Variants in ARL2 observed in about 807,000 individuals in gnomAD.
ARL2 encodes ADP-ribosylation factor-like protein 2.
A neutral mutation model predicts 22.0 loss-of-function variants in ARL2; 11 were observed. The ratio of observed to expected loss-of-function variants is 0.50; its 90% confidence interval spans 0.31 to 0.83. The LOEUF (loss-of-function observed/expected upper bound fraction) is 0.83. Ranked by LOEUF, ARL2 falls within the 40% of genes least tolerant of loss-of-function variation. The probability of loss-of-function intolerance (pLI) is 0.04; values close to 1 mark genes in which losing one functional copy is unlikely to be tolerated. For synonymous variants in ARL2, 111 were observed against 100.8 expected (o/e 1.10, Z -0.61); for missense variants, 216 against 243.2 (o/e 0.89, Z 0.74).
intron 3 of ARL2, chr11:65,019,096 G>T: frequency 2.0e-6 from 1 of 500,820 alleles, no homozygotes; most frequent in Middle Eastern, 5.5e-4. Flanking sequence ...CCTCAGCTGG[G>T]GGTGGTGGCA....
At chr11:65,016,273 G>GC (rs924340878) in intron 1 of ARL2, among the ~76,000 whole-genome samples, 10 of 145,196 alleles carry the variant, frequency 6.9e-5, no homozygotes, top group African/African-American at 2.5e-4. Context: ...CAATTCGGGG[G>GC]GGGGGGAAAC....
intron 1 of ARL2, among the ~76,000 whole-genome samples, chr11:65,017,705 A>G (rs547063971): frequency 1.3e-5 from 2 of 152,282 alleles, no homozygotes; most frequent in South Asian, 4.1e-4. Context: ...GAGCAGGGAA[A>G]GGTGGTCGAG....
chr11:65,015,000 C>T (rs1293226853), intron 1 of ARL2, among the ~76,000 whole-genome samples: 3 of 152,254 alleles, frequency 2.0e-5, no homozygotes, highest in South Asian at 2.1e-4. Context: ...AGTGCAGTGG[C>T]ACAATCAAGG....
intron 4 of ARL2, 47 bp downstream of exon 4, chr11:65,020,546 A>C: frequency 6.7e-7 from 1 of 1,494,270 alleles, no homozygotes; most frequent in South Asian, 1.2e-5. Context: ...AGGGGCATAC[A>C]TTTATTTATT....
In ARL2 at chr11:65,018,353, C is replaced by T; in HGVS notation, c.66-11C>T. On this transcript the variant is annotated splice_polypyrimidine_tract_variant and intron_variant, in intron 1 of 4. Transcript: ENST00000246747. This position sits in a 1 kb window ranked among gnomAD's most constrained non-coding sequence, Gnocchi z 4.2. ...AGAACAGGGACTTCTCCTTAACCTG[C>T]TGCGCCCCAGTGGCCTGGACAATGC... is the stretch of plus-strand genomic sequence containing the variant. 2 of 1,588,152 alleles carry T rather than the reference C, an allele frequency of 1.3e-6. 1 individual carries two copies. Among genetic ancestry groups the T allele is most frequent in the East Asian group, 4.5e-5 (2 of 44,310 alleles).
rs1358112802 is a variant in ARL2, at chr11:65,020,424, G to C, written c.345G>C (p.Leu115=). Residue 115 remains leucine (L), a synonymous_variant, in exon 4 of 5, where the codon CTG becomes CTC. Coordinates refer to ENST00000246747, the MANE Select transcript of ARL2 (RefSeq NM_001667.4). ...ELQSLLVEER[L]AGATLLIFAN... ...CTCTATCTTTTCTCCCCCAGCGCCT[G>C]GCCGGAGCAACCCTCCTCATCTTTG... 5 of 1,612,704 alleles carry C rather than the reference G, an allele frequency of 3.1e-6. No homozygotes were observed. Among genetic ancestry groups the C allele is most frequent in the Non-Finnish European group, 4.2e-6 (5 of 1,179,446 alleles).
Position 65,018,085 on chromosome 11 carries a change from C to T in ARL2, c.66-279C>T, listed in dbSNP as rs543302290. On this transcript the variant is annotated intron_variant, in intron 1 of 4. Transcript: ENST00000246747. The surrounding 1 kb of genome is among the most constrained non-coding windows in gnomAD (Gnocchi z 4.2). ...GTTTGTACTTTATTGACTGTCTTCC[C>T]GCTAGAGTGTAAGCTTCCTAAGGGC... is the stretch of plus-strand genomic sequence containing the variant. Among the ~76,000 whole-genome samples, 4 of 152,318 alleles carry T rather than the reference C, an allele frequency of 2.6e-5. No homozygotes were observed. In the South Asian group the frequency reaches 6.2e-4, roughly 24 times the overall value.
Position 65,022,104 on chromosome 11 carries a change from G to A in ARL2, c.*249G>A. The A allele has an allele frequency of 3.8e-6, 2 of 530,408 alleles. No homozygotes were observed. The highest frequency in any genetic ancestry group is 3.4e-6 in the Non-Finnish European group (1 of 296,632). 32.9% of individuals were successfully genotyped at this position (530,408 alleles called of 1,614,324 possible). On this transcript the variant is annotated 3_prime_UTR_variant, in exon 5 of 5. Coordinates refer to ENST00000246747, the MANE Select transcript of ARL2 (RefSeq NM_001667.4). ...CATACCAAGAAGAGAGGGCTGGGCG[G>A]GGAGGAGCTGCTACTGCTGCTACCG...
rs370568230 is a variant in ARL2 at position 65,018,855 on chromosome 11, C to T, written c.339+122C>T. On this transcript the variant is annotated intron_variant, in intron 3 of 4. Transcript: ENST00000246747. The surrounding 1 kb of genome is among the most constrained non-coding windows in gnomAD (Gnocchi z 4.2). ...GCAGGATCCCTTCCTTCTCTGGGCC[C>T]CCACCATGGGAGGCCCATGGTGCCA... 1.9e-4 allele frequency: 286 copies of T among 1,540,734 alleles called. 2 individuals carry two copies. The East Asian group carries it at 3.1e-3, about 17-fold the overall frequency.
chr11:65,018,969 T>C lies in ARL2; in HGVS notation c.339+236T>C. On this transcript the variant is annotated intron_variant, in intron 3 of 4. Transcript: ENST00000246747. The surrounding 1 kb of genome is among the most constrained non-coding windows in gnomAD (Gnocchi z 4.2). The stretch of plus-strand genomic sequence containing the variant: ...ACCCTGAGCATCAGTTTCTATGCCT[T>C]GAAATGGTGATGATGACACCCACAT... The C allele has an allele frequency of 6.7e-7, 1 of 1,486,184 alleles. No homozygotes were observed. The highest frequency in any genetic ancestry group is 9.0e-7 in the Non-Finnish European group (1 of 1,114,250). 92.1% of individuals were successfully genotyped at this position (1,486,184 alleles called of 1,614,324 possible).
In ARL2 at chr11:65,020,327, C is replaced by T. The variant is rs575365501; in HGVS notation, c.340-92C>T. 3,668 of 1,091,458 alleles carry T rather than the reference C, an allele frequency of 3.4e-3. 9 individuals are homozygous for T. The highest frequency in any genetic ancestry group is 4.5e-3 in the Non-Finnish European group (3,257 of 725,470). The allele number at this position is 1,091,458 out of a possible 1,614,324, so 67.6% of individuals were successfully genotyped here. A position where few individuals can be genotyped will look rare whatever the true frequency, so the allele number is the denominator to read the frequency against. On this transcript the variant is annotated intron_variant, in intron 3 of 4. Coordinates refer to ENST00000246747, the MANE Select transcript of ARL2 (RefSeq NM_001667.4). Reference sequence around the variant, plus strand: ...GGGGCCTCACCTTGATCTTCCAGGTCGATCCTTCACCCCAGATGCTCTGGG... The same window carrying T: ...GGGGCCTCACCTTGATCTTCCAGGTTGATCCTTCACCCCAGATGCTCTGGG...
intron 3 of ARL2, 53 bp from the exon 4 acceptor site, chr11:65,020,366 G>T (rs966051759): frequency 9.6e-6 from 14 of 1,456,044 alleles, no homozygotes; most frequent in African/African-American, 4.2e-5. Context: ...TTAGAGGAGG[G>T]GTCAGGCTGT....
chr11:65,015,567 G>A (rs528576581), intron 1 of ARL2, among the ~76,000 whole-genome samples: 14 of 152,320 alleles, frequency 9.2e-5, no homozygotes, highest in African/African-American at 3.1e-4. Flanking sequence ...ATGCGTGTGT[G>A]TGTGTGTGGC....
Position 65,021,915 on chromosome 11 carries a change from C to G in ARL2, c.*60C>G. 1 of 1,573,424 alleles carries G rather than the reference C, an allele frequency of 6.4e-7. No homozygotes were observed. The highest frequency in any genetic ancestry group is 1.7e-5 in the Admixed American group (1 of 58,704). On this transcript the variant is annotated 3_prime_UTR_variant, in exon 5 of 5. Transcript: ENST00000246747. Reference sequence around the variant, plus strand: ...TCCCTCAACCTTCACCAAACACTACCCATGGGGGGTTGGGAGTCAGCCGGC... The same window carrying G: ...TCCCTCAACCTTCACCAAACACTACGCATGGGGGGTTGGGAGTCAGCCGGC...
At chr11:65,019,902 G>T (rs184775639) in intron 3 of ARL2, among the ~76,000 whole-genome samples, 60 of 152,262 alleles carry the variant, frequency 3.9e-4, no homozygotes, top group African/African-American at 1.4e-3. Flanking sequence ...TCAAATGCTG[G>T]TCAAGGCAGG....
At chr11:65,017,369 T>C (rs1946270401) in intron 1 of ARL2, among the ~76,000 whole-genome samples, 1 of 151,916 alleles carries the variant, frequency 6.6e-6, no homozygotes, top group Non-Finnish European at 1.5e-5. Context: ...CTGATTTTTG[T>C]AGTTTTAGTA....
chr11:65,019,231 C>G (rs1363536369), intron 3 of ARL2: 2 of 216,442 alleles, frequency 9.2e-6, no homozygotes, highest in Admixed American at 1.1e-4. Context: ...CAGAGCAAGA[C>G]CCTGTCTCAA....
Position 65,018,568 on chromosome 11 carries a change from C to T in ARL2, c.177-3C>T. 3 of 1,607,626 alleles carry T rather than the reference C, an allele frequency of 1.9e-6. No homozygotes were observed. The highest frequency in any genetic ancestry group is 2.5e-6 in the Non-Finnish European group (3 of 1,176,728). On this transcript the variant is annotated splice_region_variant and splice_polypyrimidine_tract_variant and intron_variant, in intron 2 of 4. Transcript: ENST00000246747. This position sits in a 1 kb window ranked among gnomAD's most constrained non-coding sequence, Gnocchi z 4.2. Reference sequence around the variant, plus strand: ...ACCCTCCTGTCACCCGCTCCTTGCCCAGATTCAAGCTGAACATCTGGGATG... The same window carrying T: ...ACCCTCCTGTCACCCGCTCCTTGCCTAGATTCAAGCTGAACATCTGGGATG...
rs376636028 is a variant in ARL2 at position 65,016,497 on chromosome 11, C to A, written c.66-1867C>A. Among the ~76,000 whole-genome samples, 9 of 152,142 alleles carry A rather than the reference C, an allele frequency of 5.9e-5. No individual in the cohort carries two copies. The East Asian group carries it at 1.5e-3, about 26-fold the overall frequency. On this transcript the variant is annotated intron_variant, in intron 1 of 4. Transcript: ENST00000246747. ...GACCAGTTAGGCCACTGCAGTGACG[C>A]AGGCGAGATAGGATGGTGGCTTGGA...
Sources: gnomAD v4.1 joint callset for allele counts (sites outside exome capture counted in the v4.1 genomes callset) on GRCh38, gnomAD v4.1.1 for gene constraint, Gnocchi (gnomAD v3.1) non-coding constraint, MANE v1.5 for transcripts, NCBI Gene and HGNC (gene_info 2026-07-23, HGNC 2026-07-21) for gene names.